TMX3: variants seen among roughly 807,000 people sequenced by gnomAD.
The protein encoded by TMX3 is protein disulfide-isomerase TMX3.
Under a neutral mutation model 64.4 loss-of-function variants are expected in TMX3, and 40 were observed. The observed-to-expected ratio is 0.62, with a 90% CI of 0.48 to 0.81. TMX3 has a LOEUF of 0.81. TMX3 is among the 30% of genes least tolerant of loss of function. TMX3 has a pLI of 0.00. For synonymous variants in TMX3, 189 were observed against 175.7 expected (o/e 1.08, Z -0.60); for missense variants, 497 against 534.5 (o/e 0.93, Z 0.69).
At chr18:68,689,188 G>A (rs1914258256) in intron 9 of TMX3, 1 of 152,276 alleles carries the variant, frequency 6.6e-6, no homozygotes, top group East Asian at 1.9e-4. Context: ...TTTCAGGCAG[G>A]TTCTAAATAC....
intron 8 of TMX3, among the ~76,000 whole-genome samples, chr18:68,693,346 C>T (rs533339027): frequency 2.4e-4 from 37 of 152,164 alleles, no homozygotes; most frequent in Middle Eastern, 3.4e-3. Flanking sequence ...GGGAGCCCCA[C>T]GCTCCCGGGT....
At chr18:68,695,985 A>G (rs1429922327) in intron 8 of TMX3, among the ~76,000 whole-genome samples, 1 of 152,028 alleles carries the variant, frequency 6.6e-6, no homozygotes, top group African/African-American at 2.4e-5. Flanking sequence ...CGCATTTTGG[A>G]CATCTGTTAT....
At chr18:68,703,431 T>C (rs1180191423) in intron 4 of TMX3, among the ~76,000 whole-genome samples, 1 of 152,200 alleles carries the variant, frequency 6.6e-6, no homozygotes, top group African/African-American at 2.4e-5. Context: ...CTTCATAGCC[T>C]GATATTGTGG....
At chr18:68,702,816 A>T (rs537240721) in intron 4 of TMX3, among the ~76,000 whole-genome samples, 1 of 152,306 alleles carries the variant, frequency 6.6e-6, no homozygotes, top group African/African-American at 2.4e-5. Context: ...AATTCAATTC[A>T]CAAGAATAAG....
At chr18:68,714,823 G>T in intron 1 of TMX3, 113 bp downstream of exon 1, 1 of 1,383,894 alleles carries the variant, frequency 7.2e-7, no homozygotes, top group Non-Finnish European at 9.7e-7. Flanking sequence ...GGAATGGGTG[G>T]GCATCTCCAC....
chr18:68,701,680 G>A (rs751789865), intron 5 of TMX3, 65 bp downstream of exon 5: 17 of 1,602,844 alleles, frequency 1.1e-5, no homozygotes, highest in African/African-American at 2.7e-5. Context: ...AGAAATTAAC[G>A]TAATAAAATG....
At position 68,697,236 on chromosome 18, in the gene TMX3, A is replaced by G; in HGVS notation, c.560T>C (p.Val187Ala). Residue 187 changes from valine (V) to alanine (A), a missense_variant, in exon 8 of 16, where the codon GTG becomes GCG. By Grantham distance (64) the Val-to-Ala change is moderately conservative. This residue lies in a region of TMX3 where 360 missense variants were observed against 383.5 expected (regional missense o/e 0.94). Transcript: ENST00000299608. ...AATTTTAAATATTACCTCAGGAACCACTTCTTCTGAGGCAGAAAAGAAGTA... is the reference window on the plus strand; with the variant it reads ...AATTTTAAATATTACCTCAGGAACCGCTTCTTCTGAGGCAGAAAAGAAGTA... ...YTYFFSASEE[V>A]VPEYVTLKEM... 1 of 1,563,666 alleles carries G rather than the reference A, an allele frequency of 6.4e-7. No homozygotes were observed. Among genetic ancestry groups the G allele is most frequent in the South Asian group, 1.2e-5 (1 of 82,686 alleles).
chr18:68,679,254 G>C (rs892866452), intron 15 of TMX3, among the ~76,000 whole-genome samples: 1 of 152,080 alleles, frequency 6.6e-6, no homozygotes, highest in Admixed American at 6.6e-5. Flanking sequence ...AATTGATTCT[G>C]AATTTTAGTT....
chr18:68,676,685 C>G lies in TMX3; in HGVS notation c.*248G>C, dbSNP rs34309603. 0.012 allele frequency: 5,624 copies of G among 482,140 alleles called. 65 individuals carry two copies. The highest frequency in any genetic ancestry group is 0.027 in the South Asian group (870 of 32,768). 29.9% of individuals were successfully genotyped at this position (482,140 alleles called of 1,614,324 possible). ...AGAGAAACATGCAAATAGAATTGTT[C>G]TGTTCTAATCACAAAGATCAGGTAA... On this transcript the variant is annotated 3_prime_UTR_variant, in exon 16 of 16. Transcript: ENST00000299608.
rs1005797832 is a variant in TMX3 at position 68,701,515 on chromosome 18, G to C, written c.311+230C>G. 6 of 913,220 alleles carry C rather than the reference G, an allele frequency of 6.6e-6. No individual in the cohort carries two copies. In the African/African-American group the frequency reaches 1.0e-4, roughly 15 times the overall value. 56.6% of individuals were successfully genotyped at this position (913,220 alleles called of 1,614,324 possible). On this transcript the variant is annotated intron_variant, in intron 5 of 15. Coordinates refer to ENST00000299608, the MANE Select transcript of TMX3 (RefSeq NM_019022.5). ...TGTATACTTGTCCTGCACAGTGCGTGTCACACAGCAAGCAAAACACGTGAA... is the reference window on the plus strand; with the variant it reads ...TGTATACTTGTCCTGCACAGTGCGTCTCACACAGCAAGCAAAACACGTGAA...
At chr18:68,711,315 C>T (rs1290401120) in intron 3 of TMX3, 49 bp downstream of exon 3, 2 of 1,439,924 alleles carry the variant, frequency 1.4e-6, no homozygotes, top group Non-Finnish European at 1.9e-6. Flanking sequence ...GAAAATAATA[C>T]TTAAAATGGT....
At chr18:68,683,032 GA>G in intron 12 of TMX3, 51 bp from the exon 13 acceptor site, 1 of 1,348,176 alleles carries the variant, frequency 7.4e-7, no homozygotes. Flanking sequence ...GGGGTGGGGG[GA>G]GAGAGAGAGA....
intron 5 of TMX3, 112 bp from the exon 6 acceptor site, chr18:68,700,597 GAGA>G (rs2029948688): frequency 1.0e-6 from 1 of 1,003,814 alleles, no homozygotes; most frequent in Admixed American, 3.5e-5. Flanking sequence ...AGTAAATGCA[GAGA>G]AGTTTTAGAA....
chr18:68,695,764 A>G (rs928034591), intron 8 of TMX3, among the ~76,000 whole-genome samples: 22 of 152,224 alleles, frequency 1.4e-4, no homozygotes, highest in Non-Finnish European at 1.5e-5. Flanking sequence ...CTGTGGATCT[A>G]CGCATACCTA....
intron 6 of TMX3, among the ~76,000 whole-genome samples, 170 bp downstream of exon 6, chr18:68,700,235 A>C (rs1915530745): frequency 6.6e-6 from 1 of 152,148 alleles, no homozygotes; most frequent in South Asian, 2.1e-4. Flanking sequence ...CTTTCTTTAA[A>C]GTATTTCTTT....
At chr18:68,700,575 A>G in intron 5 of TMX3, 90 bp from the exon 6 acceptor site, 1 of 1,044,392 alleles carries the variant, frequency 9.6e-7, no homozygotes, top group East Asian at 3.0e-5. Flanking sequence ...ATAAAATTAT[A>G]TTACATAAAA....
rs1912884816 is a variant in TMX3 at position 68,675,849 on chromosome 18, G to GTAAC, written c.*1080_*1083dup. 1 of 152,150 alleles carries GTAAC rather than the reference G, an allele frequency of 6.6e-6. No individual in the cohort carries two copies. The highest frequency in any genetic ancestry group is 2.4e-5 in the African/African-American group (1 of 41,426). The allele number at this position is 152,150 out of a possible 1,614,324, so 9.4% of individuals were successfully genotyped here. A position where few individuals can be genotyped will look rare whatever the true frequency, so the allele number is the denominator to read the frequency against. ...TGACAGAACTAAGACAATGGAGAAG[G>GTAAC]TAACTGGCTGATCTCTTTTTTTTAC... On this transcript the variant is annotated 3_prime_UTR_variant, in exon 16 of 16. Coordinates refer to ENST00000299608, the MANE Select transcript of TMX3 (RefSeq NM_019022.5).
intron 8 of TMX3, among the ~76,000 whole-genome samples, chr18:68,692,382 C>T (rs75558509): frequency 0.047 from 7,166 of 152,158 alleles, 448 homozygotes; most frequent in African/African-American, 0.14. Context: ...CTTCCTCTCC[C>T]GTGTGTTTTT....
chr18:68,687,832 A>G, intron 9 of TMX3, 67 bp from the exon 10 acceptor site: 3 of 1,245,830 alleles, frequency 2.4e-6, no homozygotes, highest in Non-Finnish European at 3.4e-6. Context: ...AATAGCTTTA[A>G]TCTGATAATA....
Sources: gnomAD v4.1 joint callset for allele counts (sites outside exome capture counted in the v4.1 genomes callset) on GRCh38, gnomAD v4.1.1 for gene constraint, gnomAD v4.1.1 regional missense constraint, MANE v1.5 for transcripts, NCBI Gene and HGNC (gene_info 2026-07-23, HGNC 2026-07-21) for gene names.